CDKAL1: variants seen among roughly 807,000 people sequenced by gnomAD.
The protein encoded by CDKAL1 is threonylcarbamoyladenosine tRNA methylthiotransferase.
In CDKAL1, 32 loss-of-function variants were observed where a neutral mutation model predicts 68.2. That is an observed-to-expected ratio of 0.47 (90% CI 0.35 to 0.63). The LOEUF is 0.63. Ranked by LOEUF, CDKAL1 falls within the 30% of genes least tolerant of loss-of-function variation. CDKAL1 has a pLI of 0.00. For missense variants in CDKAL1, 606 were observed against 696.7 expected, an observed-to-expected ratio of 0.87 and a Z score of 1.47; for synonymous variants, 234 against 244.3, an observed-to-expected ratio of 0.96 and a Z score of 0.39.
chr6:20,834,448 C>T (rs1391426254), intron 8 of CDKAL1, among the ~76,000 whole-genome samples: 1 of 152,168 alleles, frequency 6.6e-6, no homozygotes, highest in Admixed American at 6.5e-5. Context: ...TTCTAACATA[C>T]CAGCTTCTGT....
chr6:21,225,542 G>A (rs955034416), intron 15 of CDKAL1, among the ~76,000 whole-genome samples: 5 of 152,134 alleles, frequency 3.3e-5, no homozygotes, highest in Non-Finnish European at 5.9e-5. Flanking sequence ...CTGTATTCCA[G>A]GCACTCTGCC....
chr6:20,924,687 A>T (rs1010642399), intron 9 of CDKAL1, among the ~76,000 whole-genome samples: 4 of 152,216 alleles, frequency 2.6e-5, no homozygotes. Flanking sequence ...GAAAAGTTTG[A>T]AGCTAGCAGA....
chr6:21,069,523 A>G (rs539375240), intron 12 of CDKAL1, among the ~76,000 whole-genome samples: 2 of 152,150 alleles, frequency 1.3e-5, no homozygotes, highest in East Asian at 1.9e-4. Context: ...ATATATTGCT[A>G]TTGATAAAAT....
chr6:20,952,419 TC>T (rs909224798), intron 9 of CDKAL1, among the ~76,000 whole-genome samples: 1 of 152,172 alleles, frequency 6.6e-6, no homozygotes, highest in African/African-American at 2.4e-5. Flanking sequence ...ATGAAGACTG[TC>T]CCATTGTATC....
At chr6:21,080,306 T>C (rs867332097) in intron 12 of CDKAL1, among the ~76,000 whole-genome samples, 35 of 152,046 alleles carry the variant, frequency 2.3e-4, no homozygotes, top group African/African-American at 8.0e-4. Flanking sequence ...ACATGACTAA[T>C]CTGGAGTAAA....
chr6:20,836,155 G>A (rs1462098410), intron 8 of CDKAL1, among the ~76,000 whole-genome samples: 7 of 152,230 alleles, frequency 4.6e-5, no homozygotes, highest in East Asian at 1.9e-4. Context: ...ACTCGGTAGA[G>A]TAACTATTTC....
At chr6:20,894,391 CT>C (rs5874793) in intron 9 of CDKAL1, among the ~76,000 whole-genome samples, 24,041 of 123,944 alleles carry the variant, frequency 0.19, 1,997 homozygotes, top group East Asian at 0.33. Flanking sequence ...ACCCCACATA[CT>C]TTTTTTTTTT....
At chr6:20,561,884 T>G (rs962531031) in intron 4 of CDKAL1, among the ~76,000 whole-genome samples, 4 of 152,162 alleles carry the variant, frequency 2.6e-5, no homozygotes, top group Non-Finnish European at 5.9e-5. Context: ...AAAATTCTAT[T>G]TGGGTGGCTG....
At chr6:21,088,666 G>C (rs1282929687) in intron 12 of CDKAL1, among the ~76,000 whole-genome samples, 1 of 152,164 alleles carries the variant, frequency 6.6e-6, no homozygotes, top group Non-Finnish European at 1.5e-5. Flanking sequence ...GATAGGCTGG[G>C]CATGGTGACT....
intron 11 of CDKAL1, among the ~76,000 whole-genome samples, chr6:21,026,362 T>C (rs1159893722): frequency 6.6e-6 from 1 of 152,108 alleles, no homozygotes; most frequent in African/African-American, 2.4e-5. Context: ...AAACATTTGA[T>C]TTGGAGTCAA....
intron 5 of CDKAL1, among the ~76,000 whole-genome samples, chr6:20,723,275 C>G (rs764219854): frequency 6.6e-6 from 1 of 152,220 alleles, no homozygotes; most frequent in Non-Finnish European, 1.5e-5. Flanking sequence ...TGCTAACACA[C>G]GCTGTCTGCG....
chr6:20,811,783 A>AGT (rs200275658), intron 8 of CDKAL1, among the ~76,000 whole-genome samples: 5 of 139,816 alleles, frequency 3.6e-5, no homozygotes, highest in East Asian at 2.1e-4. Flanking sequence ...TTTACCTAGT[A>AGT]GTAAAAAAAA....
intron 4 of CDKAL1, among the ~76,000 whole-genome samples, chr6:20,606,679 A>G (rs1766348797): frequency 6.6e-6 from 1 of 152,246 alleles, no homozygotes; most frequent in Admixed American, 6.5e-5. Flanking sequence ...TAGAAAATTT[A>G]TCAGGCTGAA....
intron 6 of CDKAL1, among the ~76,000 whole-genome samples, chr6:20,755,504 C>G (rs1365261041): frequency 1.3e-5 from 2 of 151,934 alleles, no homozygotes; most frequent in Non-Finnish European, 2.9e-5. Context: ...GGCTCTATTT[C>G]TTTCCCTGTT....
chr6:20,940,094 A>G (rs1259437378), intron 9 of CDKAL1, among the ~76,000 whole-genome samples: 1 of 152,200 alleles, frequency 6.6e-6, no homozygotes, highest in East Asian at 1.9e-4. Context: ...TATGTCCAAG[A>G]TAACTTAAAG....
chr6:21,145,372 T>C (rs1300690696), intron 13 of CDKAL1, among the ~76,000 whole-genome samples: 1 of 152,094 alleles, frequency 6.6e-6, no homozygotes, highest in Admixed American at 6.5e-5. Flanking sequence ...TTTGTAACAG[T>C]ATTATGAGAA....
At chr6:21,153,975 A>G (rs931648147) in intron 13 of CDKAL1, among the ~76,000 whole-genome samples, 3 of 152,122 alleles carry the variant, frequency 2.0e-5, no homozygotes, top group Non-Finnish European at 2.9e-5. Flanking sequence ...TCCAGATGAC[A>G]TCTGGGTCTC....
chr6:20,645,223 T>C (rs1017558455), intron 4 of CDKAL1, among the ~76,000 whole-genome samples: 11 of 152,322 alleles, frequency 7.2e-5, no homozygotes, highest in Non-Finnish European at 1.3e-4. Flanking sequence ...CTGTAGACTT[T>C]ATAAACACTG....
intron 4 of CDKAL1, among the ~76,000 whole-genome samples, chr6:20,613,542 T>C (rs1766745360): frequency 6.6e-6 from 1 of 151,196 alleles, no homozygotes; most frequent in South Asian, 2.1e-4. Flanking sequence ...TCCGAAGTGC[T>C]GAGATTACAT....
Sources: gnomAD v4.1 joint callset for allele counts (sites outside exome capture counted in the v4.1 genomes callset) on GRCh38, gnomAD v4.1.1 for gene constraint, MANE v1.5 for transcripts, NCBI Gene and HGNC (gene_info 2026-07-23, HGNC 2026-07-21) for gene names.